Variants in RNF217 observed in about 807,000 individuals in gnomAD.
RNF217 encodes the protein E3 ubiquitin-protein ligase RNF217.
A neutral mutation model predicts 57.8 loss-of-function variants in RNF217; 31 were observed. That is an observed-to-expected ratio of 0.54 (90% CI 0.40 to 0.72). The LOEUF (loss-of-function observed/expected upper bound fraction) is 0.72. RNF217 is among the 30% of genes least tolerant of loss of function. The pLI, the probability that RNF217 is intolerant of heterozygous loss-of-function variation, is 0.00. For synonymous variants in RNF217, 313 were observed against 294.0 expected, an observed-to-expected ratio of 1.06 and a Z score of -0.66; for missense variants, 696 against 708.3, an observed-to-expected ratio of 0.98 and a Z score of 0.20.
chr6:125,075,172 G>T (rs1788315427), intron 3 of RNF217, among the ~76,000 whole-genome samples: 1 of 152,086 alleles, frequency 6.6e-6, no homozygotes, highest in Admixed American at 6.6e-5. Flanking sequence ...TAGCTCATCA[G>T]CTATCATTAG....
intron 3 of RNF217, among the ~76,000 whole-genome samples, chr6:125,063,442 C>T (rs9482590): frequency 0.061 from 9,286 of 152,144 alleles, 905 homozygotes; most frequent in African/African-American, 0.21. Context: ...GATTCTGATA[C>T]GCCATCTCTA....
At position 125,045,386 on chromosome 6, in the gene RNF217, C is replaced by A. The variant is rs770454179; in HGVS notation, c.1058C>A (p.Thr353Lys). The A allele has an allele frequency of 2.5e-6, 4 of 1,613,242 alleles. No homozygotes were observed. The highest frequency in any genetic ancestry group is 3.4e-6 in the Non-Finnish European group (4 of 1,179,624). Residue 353 changes from threonine (T) to lysine (K), a missense_variant, in exon 2 of 6, where the codon ACA becomes AAA. Physicochemically the swap from Thr to Lys is moderately conservative, Grantham distance 78 (BLOSUM62 -1). Coordinates refer to ENST00000521654, the MANE Select transcript of RNF217 (RefSeq NM_001286398.3). The stretch of plus-strand genomic sequence containing the variant: ...CCATGTCCTCAGTGCAAGCACTTTA[C>A]AACCTTCAAGAAAAAAGGACATATT... ...TKPCPQCKHF[T>K]TFKKKGHIPT...
chr6:125,044,457 A>G (rs1030111216), intron 1 of RNF217, among the ~76,000 whole-genome samples: 3 of 152,080 alleles, frequency 2.0e-5, no homozygotes, highest in Non-Finnish European at 4.4e-5. Flanking sequence ...GTACTCCATA[A>G]CACATGCTAA....
chr6:125,064,102 G>A (rs1787850228), intron 3 of RNF217, among the ~76,000 whole-genome samples: 2 of 152,146 alleles, frequency 1.3e-5, no homozygotes, highest in South Asian at 2.1e-4. Context: ...TAGGTATCCT[G>A]CAATTCCTTA....
At chr6:125,051,250 C>A (rs1053385438) in intron 2 of RNF217, among the ~76,000 whole-genome samples, 17 of 151,978 alleles carry the variant, frequency 1.1e-4, no homozygotes, top group African/African-American at 3.9e-4. Flanking sequence ...TTGACCTGCA[C>A]TGGTACTAAG....
At position 125,089,117 on chromosome 6, in the gene RNF217, C is replaced by T. The variant is rs1788860993; in HGVS notation, c.*6180C>T. 1 of 152,310 alleles carries T rather than the reference C, an allele frequency of 6.6e-6. No individual in the cohort carries two copies. The highest frequency in any genetic ancestry group is 1.5e-5 in the Non-Finnish European group (1 of 68,038). 9.4% of individuals were successfully genotyped at this position (152,310 alleles called of 1,614,324 possible). A position where few individuals can be genotyped will look rare whatever the true frequency, so the allele number is the denominator to read the frequency against. On this transcript the variant is annotated 3_prime_UTR_variant, in exon 6 of 6. Transcript: ENST00000521654. ...GTAAATGGAAATGTATCAGGAGTGC[C>T]TGGAACACTTTTCCCTCTTGATAGG... is the stretch of plus-strand genomic sequence containing the variant.
chr6:124,974,911 A>G (rs767614169), intron 1 of RNF217, among the ~76,000 whole-genome samples: 18 of 152,100 alleles, frequency 1.2e-4, no homozygotes, highest in Non-Finnish European at 2.2e-4. Context: ...TTCCTGTTAG[A>G]GATCTGTATT....
At position 124,963,283 on chromosome 6, in the gene RNF217, G is replaced by A. The variant is rs771049647; in HGVS notation, c.739G>A (p.Gly247Ser). Residue 247 changes from glycine to serine, a missense_variant, in exon 1 of 6, where the codon GGC (glycine) becomes AGC (serine). Physicochemically the swap from Gly to Ser is moderately conservative, Grantham distance 56. Coordinates refer to ENST00000521654, the MANE Select transcript of RNF217 (RefSeq NM_001286398.3). ...CCTGTTGGGAGCTCCACCCTACTCT[G>A]GCCTGGGCGGTGTAGGGGATCCCTA... ...PSLLGAPPYS[G>S]LGGVGDPYVP... The A allele has an allele frequency of 3.3e-6, 5 of 1,535,910 alleles. No individual in the cohort carries two copies. The highest frequency in any genetic ancestry group is 2.7e-5 in the African/African-American group (2 of 73,166).
At chr6:125,043,478 G>C (rs1786966401) in intron 1 of RNF217, among the ~76,000 whole-genome samples, 1 of 151,874 alleles carries the variant, frequency 6.6e-6, no homozygotes, top group African/African-American at 2.4e-5. Flanking sequence ...ACATGTTCCT[G>C]CAAAGCTTCA....
chr6:125,040,136 A>C (rs1187824883), intron 1 of RNF217, among the ~76,000 whole-genome samples: 3 of 152,180 alleles, frequency 2.0e-5, no homozygotes, highest in African/African-American at 7.2e-5. Context: ...ACCTTCAAAA[A>C]AATCAATGAA....
At chr6:125,053,874 G>T (rs1787421235) in intron 2 of RNF217, among the ~76,000 whole-genome samples, 1 of 152,106 alleles carries the variant, frequency 6.6e-6, no homozygotes, top group Non-Finnish European at 1.5e-5. Flanking sequence ...TCTTTTAGAA[G>T]AGTTTGTGCG....
intron 1 of RNF217, among the ~76,000 whole-genome samples, chr6:125,035,546 A>G (rs1037411766): frequency 1.3e-5 from 2 of 152,116 alleles, no homozygotes; most frequent in South Asian, 2.1e-4. Context: ...GGAGTTCTTT[A>G]TATGTTCTGG....
chr6:124,994,650 C>T (rs1784679790), intron 1 of RNF217, among the ~76,000 whole-genome samples: 5 of 152,098 alleles, frequency 3.3e-5, no homozygotes, highest in Admixed American at 3.3e-4. Flanking sequence ...GTTTCTACAA[C>T]CTGCTTTTTG....
At position 125,091,872 on chromosome 6, in the gene RNF217, A is replaced by C. The variant is rs1788962973; in HGVS notation, c.*8935A>C. On this transcript the variant is annotated 3_prime_UTR_variant, in exon 6 of 6. Coordinates refer to ENST00000521654, the MANE Select transcript of RNF217 (RefSeq NM_001286398.3). The stretch of plus-strand genomic sequence containing the variant: ...TATCAACATCAACCCTGTTTATATA[A>C]TATGTTATTTTGCTCTTCTTGATCT... The C allele has an allele frequency of 6.6e-6, 1 of 152,124 alleles. No individual in the cohort carries two copies. Among genetic ancestry groups the C allele is most frequent in the South Asian group, 2.1e-4 (1 of 4,820 alleles). The allele number at this position is 152,124 out of a possible 1,614,324, so 9.4% of individuals were successfully genotyped here. A position where few individuals can be genotyped will look rare whatever the true frequency, so the allele number is the denominator to read the frequency against.
At chr6:125,021,604 C>A (rs1037554484) in intron 1 of RNF217, among the ~76,000 whole-genome samples, 1 of 152,020 alleles carries the variant, frequency 6.6e-6, no homozygotes, top group Non-Finnish European at 1.5e-5. Context: ...AAGCAAGTTA[C>A]CAAGTTGAAT....
chr6:124,963,207 C>T lies in RNF217; in HGVS notation c.663C>T (p.Gly221=). Residue 221 remains glycine, a synonymous_variant, in exon 1 of 6, where the codon GGC becomes GGT. Coordinates refer to ENST00000521654, the MANE Select transcript of RNF217 (RefSeq NM_001286398.3). The part of the protein sequence containing the change: ...LPTDSLSPDG[G]SIELEFYLAP... ...CGGATTCCCTCTCCCCCGACGGCGG[C>T]AGCATCGAGCTGGAGTTCTACCTGG... 6.5e-7 allele frequency: 1 copy of T among 1,536,102 alleles called. No homozygotes were observed. Among genetic ancestry groups the T allele is most frequent in the African/African-American group, 1.4e-5 (1 of 73,188 alleles).
intron 3 of RNF217, among the ~76,000 whole-genome samples, chr6:125,068,258 A>G (rs922526737): frequency 6.6e-6 from 1 of 152,144 alleles, no homozygotes; most frequent in South Asian, 2.1e-4. Flanking sequence ...GAATGCTGCA[A>G]CAGGGCTAGT....
At chr6:125,049,399 T>G (rs2114551508) in intron 2 of RNF217, among the ~76,000 whole-genome samples, 1 of 152,148 alleles carries the variant, frequency 6.6e-6, no homozygotes, top group Non-Finnish European at 1.5e-5. Flanking sequence ...CAAGCCTATG[T>G]CTGATAGAGG....
chr6:124,969,776 A>G (rs940908932), intron 1 of RNF217, among the ~76,000 whole-genome samples: 1 of 152,200 alleles, frequency 6.6e-6, no homozygotes, highest in Non-Finnish European at 1.5e-5. Flanking sequence ...TAAATTATTT[A>G]GCTTATTAGA....
Sources: allele counts gnomAD v4.1 joint callset (sites outside exome capture counted in the v4.1 genomes callset), GRCh38; gene constraint gnomAD v4.1.1; transcripts MANE v1.5; gene names NCBI Gene and HGNC (gene_info 2026-07-23, HGNC 2026-07-21).